Variants in VIPAS39 observed in about 807,000 individuals in gnomAD.
The protein encoded by VIPAS39 is VPS33B interacting protein, apical-basolateral polarity regulator, spe-39 homolog, also known as spermatogenesis-defective protein 39 homolog.
In VIPAS39, 63 loss-of-function variants were observed where a neutral mutation model predicts 84.7. That is an observed-to-expected ratio of 0.74 (90% confidence interval 0.61 to 0.92). The LOEUF is 0.92. Among genes scored for constraint, VIPAS39 ranks in the 40% least tolerant of loss-of-function variants. VIPAS39 has a pLI of 0.00. For missense variants in VIPAS39, 499 were observed against 604.5 expected, an observed-to-expected ratio of 0.83 and a Z score of 1.83; for synonymous variants, 192 against 216.5, an observed-to-expected ratio of 0.89 and a Z score of 0.99.
intron 4 of VIPAS39, 69 bp from the exon 5 acceptor site, chr14:77,449,821 G>T (rs987020902): frequency 1.2e-5 from 18 of 1,553,778 alleles, no homozygotes; most frequent in Non-Finnish European, 1.6e-5. Flanking sequence ...CTTGGTTAAA[G>T]ACACAATGTG....
intron 7 of VIPAS39, among the ~76,000 whole-genome samples, chr14:77,447,247 A>G (rs1206130653): frequency 6.6e-6 from 1 of 150,578 alleles, no homozygotes; most frequent in Non-Finnish European, 1.5e-5. Flanking sequence ...CTGGTCTTAA[A>G]CTCCCAACCT....
At chr14:77,453,152 G>C in intron 3 of VIPAS39, 147 bp downstream of exon 3, 1 of 868,586 alleles carries the variant, frequency 1.2e-6, no homozygotes, top group Non-Finnish European at 1.9e-6. Flanking sequence ...TCTTCTCCTG[G>C]AGTTAAGTTT....
At chr14:77,435,122 G>A in intron 14 of VIPAS39, 137 bp downstream of exon 14, 3 of 1,385,184 alleles carry the variant, frequency 2.2e-6, no homozygotes, top group South Asian at 2.4e-5. Context: ...CCCCTGGTGA[G>A]GGCCAGGAAA....
In VIPAS39 at chr14:77,426,971, G is replaced by A. The variant is rs551593679; in HGVS notation, c.*645C>T. 2.0e-5 allele frequency: 3 copies of A among 152,754 alleles called. No homozygotes were observed. Among genetic ancestry groups the A allele is most frequent in the Admixed American group, 2.0e-4 (3 of 15,354 alleles). 9.5% of individuals were successfully genotyped at this position (152,754 alleles called of 1,614,324 possible). On this transcript the variant is annotated 3_prime_UTR_variant, in exon 20 of 20. Coordinates refer to ENST00000557658, the MANE Select transcript of VIPAS39 (RefSeq NM_001193315.2). ...CAGTAGAGGAAGAGATAAAGGGGAT[G>A]TCTCATCACCCAAGCAAGGTCGTCT...
rs3742733 is a variant in VIPAS39 at position 77,454,202 on chromosome 14, A to T, written c.1-100T>A. The T allele has an allele frequency of 9.3e-3, 9,921 of 1,066,282 alleles. 136 individuals carry two copies. Among genetic ancestry groups the T allele is most frequent in the South Asian group, 0.037 (2,832 of 76,480 alleles). The allele number at this position is 1,066,282 out of a possible 1,614,324, so 66.1% of individuals were successfully genotyped here. A position where few individuals can be genotyped will look rare whatever the true frequency, so the allele number is the denominator to read the frequency against. ...GCACCACTAACTGATCCCAAAAATC[A>T]AGGATGCAGAAAAGAATCTGGTAAA... is the stretch of plus-strand genomic sequence containing the variant. On this transcript the variant is annotated intron_variant, in intron 1 of 19. Transcript: ENST00000557658.
At chr14:77,451,042 C>T (rs1276499105) in intron 4 of VIPAS39, 145 bp downstream of exon 4, 7 of 1,160,280 alleles carry the variant, frequency 6.0e-6, no homozygotes, top group African/African-American at 1.5e-5. Flanking sequence ...TCATTTATCT[C>T]GCTCCTAACA....
intron 6 of VIPAS39, 79 bp downstream of exon 6, chr14:77,449,214 G>A: frequency 6.8e-7 from 1 of 1,459,880 alleles, no homozygotes; most frequent in Non-Finnish European, 9.6e-7. Context: ...TCAAATAGTT[G>A]GGAAAATCAA....
chr14:77,443,282 A>T, intron 8 of VIPAS39, 130 bp from the exon 9 acceptor site: 2 of 1,094,038 alleles, frequency 1.8e-6, no homozygotes, highest in Non-Finnish European at 2.7e-6. Context: ...TATGTGATGC[A>T]AGGAAAGCCA....
At chr14:77,446,986 T>TTATATATTTATAATTATAAATTATAA (rs1242288218) in intron 7 of VIPAS39, among the ~76,000 whole-genome samples, 1,964 of 150,212 alleles carry the variant, frequency 0.013, 69 homozygotes, top group Admixed American at 0.071. Context: ...TAAGTTACAT[T>TTATATATTTATAATTATAAATTATAA]TATATATTTA....
chr14:77,429,047 T>G lies in VIPAS39; in HGVS notation c.1315A>C (p.Asn439His), dbSNP rs1456890108. 1 of 1,613,944 alleles carries G rather than the reference T, an allele frequency of 6.2e-7. No homozygotes were observed. The highest frequency in any genetic ancestry group is 1.7e-5 in the Admixed American group (1 of 60,000). ...TGGCACTTGAACTTAGTGGCTAAGT[T>G]CAACTTCGTGTCCACATCTTCCACC... Reference protein sequence around the residue: ...NLVEDVDTKLNLATKFKCHDV... With the variant: ...NLVEDVDTKLHLATKFKCHDV... The change falls in exon 18 of 20, where the codon AAC (asparagine) becomes CAC (histidine). Residue 439 changes from asparagine to histidine, a missense_variant. Asn to His is a moderately conservative substitution (Grantham distance 68). Transcript: ENST00000557658.
chr14:77,454,240 C>T (rs1054171119), intron 1 of VIPAS39, 138 bp from the exon 2 acceptor site: 89 of 774,860 alleles, frequency 1.1e-4, no homozygotes, highest in Admixed American at 2.2e-4. Context: ...AAATATTGAA[C>T]CTGCCATATA....
At chr14:77,437,742 T>C (rs866366098) in intron 12 of VIPAS39, 66 bp downstream of exon 12, 210 of 1,541,506 alleles carry the variant, frequency 1.4e-4, no homozygotes, top group Middle Eastern at 8.4e-4. Flanking sequence ...TCCACCCTTT[T>C]TAATTTTCTT....
chr14:77,442,725 G>T, intron 9 of VIPAS39, 63 bp from the exon 10 acceptor site: 1 of 1,422,322 alleles, frequency 7.0e-7, no homozygotes, highest in Non-Finnish European at 9.9e-7. Flanking sequence ...TGTGAAATTG[G>T]TCTCCCTACT....
At chr14:77,432,698 T>C (rs757270814) in intron 16 of VIPAS39, among the ~76,000 whole-genome samples, 1 of 152,172 alleles carries the variant, frequency 6.6e-6, no homozygotes, top group Non-Finnish European at 1.5e-5. Flanking sequence ...ATCTCACTCA[T>C]GTAGGATCTA....
intron 14 of VIPAS39, among the ~76,000 whole-genome samples, chr14:77,434,760 G>A (rs1010772666): frequency 2.6e-5 from 4 of 151,844 alleles, no homozygotes; most frequent in African/African-American, 9.7e-5. Context: ...TTAGCGGGGA[G>A]TGGTGGCGCA....
intron 18 of VIPAS39, 140 bp downstream of exon 18, chr14:77,428,866 C>A (rs952292198): frequency 2.6e-6 from 2 of 763,876 alleles, no homozygotes; most frequent in Non-Finnish European, 4.5e-6. Context: ...GGTCTCCAAA[C>A]AAACTCTTGC....
In VIPAS39 at chr14:77,443,120, T is replaced by C. The variant is rs1452930167; in HGVS notation, c.630A>G (p.Lys210=). The change falls in exon 9 of 20, where the codon AAA becomes AAG. Residue 210 remains lysine, a splice_region_variant and synonymous_variant. Transcript: ENST00000557658. The part of the protein sequence containing the change: ...VLIFLKRTLS[K]EILFRELEVR... ...AGATTTCCTGCAAGCCATTCTCACC[T>C]TTGCTCAGTGTCCTCTTCAGGAAAA... 1 of 1,614,098 alleles carries C rather than the reference T, an allele frequency of 6.2e-7. No homozygotes were observed. The highest frequency in any genetic ancestry group is 1.3e-5 in the African/African-American group (1 of 74,930).
chr14:77,434,026 C>G (rs1236043624), intron 15 of VIPAS39, 95 bp from the exon 16 acceptor site: 1 of 1,395,854 alleles, frequency 7.2e-7, no homozygotes, highest in African/African-American at 1.4e-5. Context: ...TAAATATTTC[C>G]TGATATTGAC....
intron 4 of VIPAS39, 123 bp downstream of exon 4, chr14:77,451,064 C>A: frequency 2.1e-6 from 3 of 1,448,116 alleles, no homozygotes; most frequent in Non-Finnish European, 2.9e-6. Context: ...CCAGCTGCCA[C>A]CTCCAATGAG....
Sources: allele counts gnomAD v4.1 joint callset (sites outside exome capture counted in the v4.1 genomes callset), GRCh38; gene constraint gnomAD v4.1.1; transcripts MANE v1.5; gene names NCBI Gene and HGNC (gene_info 2026-07-23, HGNC 2026-07-21).